NR5A2: variants seen among roughly 807,000 people sequenced by gnomAD.
The protein encoded by NR5A2 is nuclear receptor subfamily 5 group A member 2.
NR5A2 carries 26 observed loss-of-function variants against 62.7 expected under a neutral mutation model. The observed-to-expected ratio is 0.41, with a 90% CI of 0.30 to 0.58. The LOEUF is 0.58. Ranked by LOEUF, NR5A2 falls within the 20% of genes least tolerant of loss-of-function variation. The pLI is 0.22. For missense variants in NR5A2, 541 were observed against 669.1 expected (o/e 0.81, Z 2.11); for synonymous variants, 246 against 241.7 (o/e 1.02, Z -0.16).
intron 5 of NR5A2, among the ~76,000 whole-genome samples, chr1:200,056,745 G>A (rs759750757): frequency 1.3e-5 from 2 of 152,120 alleles, no homozygotes; most frequent in Non-Finnish European, 2.9e-5. Context: ...CACTGGGTCT[G>A]CTTGTTCACA....
At chr1:200,101,370 G>T (rs1335745091) in intron 5 of NR5A2, among the ~76,000 whole-genome samples, 1 of 152,142 alleles carries the variant, frequency 6.6e-6, no homozygotes, top group Non-Finnish European at 1.5e-5. Context: ...ACATGCCCTT[G>T]TACAAATCAT....
chr1:200,115,323 G>T (rs138794435), intron 6 of NR5A2, among the ~76,000 whole-genome samples: 1 of 151,888 alleles, frequency 6.6e-6, no homozygotes, highest in Non-Finnish European at 1.5e-5. Context: ...AAAATAACTC[G>T]CCTGCCCCAG....
intron 7 of NR5A2, among the ~76,000 whole-genome samples, chr1:200,137,142 A>ATTTT (rs112538013): frequency 0.28 from 41,822 of 147,732 alleles, 6,056 homozygotes; most frequent in Admixed American, 0.35. Context: ...GCCAGATTTT[A>ATTTT]TTTTATTTAT....
chr1:200,060,846 G>A (rs1663169238), intron 5 of NR5A2, among the ~76,000 whole-genome samples: 1 of 149,890 alleles, frequency 6.7e-6, no homozygotes, highest in Non-Finnish European at 1.5e-5. Context: ...GCTCATGCCT[G>A]TAATCCCAAC....
chr1:200,093,637 G>C (rs1280856139), intron 5 of NR5A2, among the ~76,000 whole-genome samples: 2 of 152,288 alleles, frequency 1.3e-5, no homozygotes, highest in Admixed American at 6.5e-5. Context: ...TCGTTGAAAA[G>C]TGTTTCCGGT....
chr1:200,127,809 G>A (rs980259245), intron 7 of NR5A2, among the ~76,000 whole-genome samples: 1 of 146,764 alleles, frequency 6.8e-6, no homozygotes, highest in Non-Finnish European at 1.5e-5. Context: ...GTAGATGGCA[G>A]GACTTGAGTA....
intron 6 of NR5A2, among the ~76,000 whole-genome samples, chr1:200,115,781 G>A (rs180704417): frequency 1.2e-4 from 18 of 152,156 alleles, no homozygotes; most frequent in Admixed American, 9.8e-4. Context: ...TAAGATGGGT[G>A]TTCTAAGCTG....
At chr1:200,132,191 G>T (rs1666994788) in intron 7 of NR5A2, among the ~76,000 whole-genome samples, 1 of 152,128 alleles carries the variant, frequency 6.6e-6, no homozygotes, top group Admixed American at 6.5e-5. Flanking sequence ...TGTATTTTTA[G>T]TAGAGACGGG....
In NR5A2 at chr1:200,148,906, CTTT is replaced by C. The variant is rs573219003; in HGVS notation, c.1379-25039_1379-25037del. On this transcript the variant is annotated intron_variant, in intron 7 of 7. Transcript: ENST00000367362. ...CTAGCCCAGTCTTTGGCATGCGGTA[CTTT>C]TTTTTTTTTTTTTTTTTCCTTTGAA... Among the ~76,000 whole-genome samples the C allele has an allele frequency of 8.6e-3, 1,081 of 125,254 alleles. 8 individuals carry two copies. The highest frequency in any genetic ancestry group is 0.036 in the East Asian group (160 of 4,466). The allele number at this position is 125,254 out of a possible 152,430, so 82.2% of individuals were successfully genotyped here. A position where few individuals can be genotyped will look rare whatever the true frequency, so the allele number is the denominator to read the frequency against.
intron 5 of NR5A2, among the ~76,000 whole-genome samples, chr1:200,054,552 C>T (rs1236507272): frequency 2.0e-5 from 3 of 151,770 alleles, no homozygotes; most frequent in African/African-American, 4.8e-5. Context: ...GATACATGTA[C>T]GTATTAAAAA....
At chr1:200,038,984 T>C (rs1201676878) in intron 1 of NR5A2, among the ~76,000 whole-genome samples, 1 of 151,482 alleles carries the variant, frequency 6.6e-6, no homozygotes, top group Non-Finnish European at 1.5e-5. Flanking sequence ...CCCCTGGCCC[T>C]ACTTACCTCC....
At chr1:200,132,165 A>G (rs1666993285) in intron 7 of NR5A2, among the ~76,000 whole-genome samples, 1 of 151,812 alleles carries the variant, frequency 6.6e-6, no homozygotes, top group Non-Finnish European at 1.5e-5. Context: ...GCCTGCTACC[A>G]CCCCCGGCTA....
intron 5 of NR5A2, among the ~76,000 whole-genome samples, chr1:200,095,376 C>T (rs1665038752): frequency 6.6e-6 from 1 of 152,116 alleles, no homozygotes; most frequent in African/African-American, 2.4e-5. Flanking sequence ...ATAGGCACTT[C>T]AGATAAAGTG....
intron 7 of NR5A2, among the ~76,000 whole-genome samples, chr1:200,161,818 C>T (rs1653657850): frequency 6.6e-6 from 1 of 152,168 alleles, no homozygotes; most frequent in African/African-American, 2.4e-5. Flanking sequence ...TTTGCATATG[C>T]TTTGTATTCA....
intron 7 of NR5A2, among the ~76,000 whole-genome samples, chr1:200,144,359 T>G (rs1667594021): frequency 1.3e-5 from 2 of 151,916 alleles, no homozygotes; most frequent in Non-Finnish European, 1.5e-5. Context: ...CCATTCTCCT[T>G]GCCCATGTCA....
Position 200,176,151 on chromosome 1 carries a change from A to G in NR5A2, c.*1941A>G, listed in dbSNP as rs1003349395. On this transcript the variant is annotated 3_prime_UTR_variant, in exon 8 of 8. Transcript: ENST00000367362. The stretch of plus-strand genomic sequence containing the variant: ...TCATTCCTACTGTAGTTTATTTAAT[A>G]TCTATTGTAAATTATGTGACTTGTA... 1 of 152,634 alleles carries G rather than the reference A, an allele frequency of 6.6e-6. No individual in the cohort carries two copies. Among genetic ancestry groups the G allele is most frequent in the South Asian group, 2.1e-4 (1 of 4,836 alleles). The allele number at this position is 152,634 out of a possible 1,614,324, so 9.5% of individuals were successfully genotyped here.
intron 7 of NR5A2, among the ~76,000 whole-genome samples, chr1:200,163,882 A>G (rs58661501): frequency 0.027 from 4,103 of 152,200 alleles, 130 homozygotes; most frequent in African/African-American, 0.076. Flanking sequence ...AACAGGTGAT[A>G]TTGTTTGGAT....
intron 3 of NR5A2, chr1:200,044,206 A>G: frequency 5.4e-6 from 1 of 185,032 alleles, no homozygotes; most frequent in Non-Finnish European, 1.1e-5. Context: ...TGACTTATAT[A>G]TATTTAAAGC....
At chr1:200,140,774 T>TA (rs1399000727) in intron 7 of NR5A2, among the ~76,000 whole-genome samples, 1 of 152,224 alleles carries the variant, frequency 6.6e-6, no homozygotes, top group Non-Finnish European at 1.5e-5. Context: ...CTAACGCCTA[T>TA]AATCCCAGCA....
Sources: gnomAD v4.1 joint callset for allele counts (sites outside exome capture counted in the v4.1 genomes callset) on GRCh38, gnomAD v4.1.1 for gene constraint, MANE v1.5 for transcripts, NCBI Gene and HGNC (gene_info 2026-07-23, HGNC 2026-07-21) for gene names.